The following KBTBD7 variants were observed in gnomAD, a reference collection of about 807,000 sequenced individuals.
The protein encoded by KBTBD7 is kelch repeat and BTB domain containing 7, also known as kelch repeat and BTB domain-containing protein 7.
KBTBD7 carries 25 observed loss-of-function variants against 50.3 expected under a neutral mutation model. That is an observed-to-expected ratio of 0.50 (90% CI 0.36 to 0.69). KBTBD7 has a LOEUF of 0.69. Among genes scored for constraint, KBTBD7 ranks in the 30% least tolerant of loss-of-function variants. The pLI is 0.00. For synonymous variants in KBTBD7, 305 were observed against 325.3 expected, an observed-to-expected ratio of 0.94 and a Z score of 0.67; for missense variants, 653 against 869.5, an observed-to-expected ratio of 0.75 and a Z score of 3.13.
chr13:41,190,758 T>C lies in KBTBD7; in HGVS notation c.*1445A>G, dbSNP rs1304580541. On this transcript the variant is annotated 3_prime_UTR_variant, in exon 1 of 1. Transcript: ENST00000379483. The stretch of plus-strand genomic sequence containing the variant: ...GCAATGTAGTCTATATTTGTGGACT[T>C]CCCCTTACATATGGTGACAGAGAGA... 6.6e-6 allele frequency: 1 copy of C among 152,152 alleles called. No homozygotes were observed. Among genetic ancestry groups the C allele is most frequent in the Non-Finnish European group, 1.5e-5 (1 of 67,984 alleles). The allele number at this position is 152,152 out of a possible 1,614,324, so 9.4% of individuals were successfully genotyped here.
Position 41,193,967 on chromosome 13 carries a change from C to T in KBTBD7, c.291G>A (p.Lys97=), listed in dbSNP as rs2031464064. The T allele has an allele frequency of 6.2e-7, 1 of 1,614,044 alleles. No individual in the cohort carries two copies. Among genetic ancestry groups the T allele is most frequent in the East Asian group, 2.2e-5 (1 of 44,872 alleles). ...NVLAAACPYF[K]SMFTGGMYES... is the part of the protein sequence containing the mutation. ...CGTACATGCCACCTGTGAACATGCTCTTGAAGTAGGGACACGCAGCTGCTA... is the reference window on the plus strand; with the variant it reads ...CGTACATGCCACCTGTGAACATGCTTTTGAAGTAGGGACACGCAGCTGCTA... Residue 97 remains lysine (K), a synonymous_variant, in exon 1 of 1, where the codon AAG becomes AAA. Transcript: ENST00000379483. This position sits in a 1 kb window ranked among gnomAD's most constrained non-coding sequence, Gnocchi z 5.7.
Position 41,193,374 on chromosome 13 carries a change from A to G in KBTBD7, c.884T>C (p.Ile295Thr), listed in dbSNP as rs1390155270. 6 of 1,612,816 alleles carry G rather than the reference A, an allele frequency of 3.7e-6. No homozygotes were observed. The highest frequency in any genetic ancestry group is 5.1e-6 in the Non-Finnish European group (6 of 1,178,928). ...PIVKKYCLDV[I>T]EGALQMRYGD... The stretch of plus-strand genomic sequence containing the variant: ...ATAGCGCATCTGCAGGGCCCCTTCA[A>G]TAACGTCCAGGCAGTACTTCTTCAC... The change falls in exon 1 of 1, where the codon ATT becomes ACT. Residue 295 changes from isoleucine (I) to threonine (T), a missense_variant. Transcript: ENST00000379483. The surrounding 1 kb of genome is among the most constrained non-coding windows in gnomAD (Gnocchi z 5.7).
rs2031477677 is a variant in KBTBD7, at chr13:41,194,289, A to C, written c.-32T>G. 6.2e-7 allele frequency: 1 copy of C among 1,603,798 alleles called. No homozygotes were observed. The highest frequency in any genetic ancestry group is 1.1e-5 in the South Asian group (1 of 90,214). On this transcript the variant is annotated 5_prime_UTR_variant, in exon 1 of 1. Coordinates refer to ENST00000379483, the MANE Select transcript of KBTBD7 (RefSeq NM_032138.7). ...GATGGCGACGGGCGCTGACGGCGAG[A>C]AAGGCTGCAGGACCAGGCTCTGGCT...
Position 41,194,066 on chromosome 13 carries a change from A to C in KBTBD7, c.192T>G (p.Asp64Glu). 1 of 1,614,208 alleles carries C rather than the reference A, an allele frequency of 6.2e-7. No individual in the cohort carries two copies. Among genetic ancestry groups the C allele is most frequent in the South Asian group, 1.1e-5 (1 of 91,080 alleles). Reference protein sequence around the residue: ...KSFYDARLLCDVTIEVVTPGS... With the variant: ...KSFYDARLLCEVTIEVVTPGS... Reference sequence around the variant, plus strand: ...CAGGCGTCACCACCTCGATGGTCACATCACACAGCAGCCGCGCGTCGTAGA... The same window carrying C: ...CAGGCGTCACCACCTCGATGGTCACCTCACACAGCAGCCGCGCGTCGTAGA... The change falls in exon 1 of 1, where the codon GAT becomes GAG. Residue 64 changes from aspartate to glutamate, a missense_variant. Coordinates refer to ENST00000379483, the MANE Select transcript of KBTBD7 (RefSeq NM_032138.7).
At position 41,192,146 on chromosome 13, in the gene KBTBD7, ATG is replaced by A; in HGVS notation, c.*55_*56del. The A allele has an allele frequency of 6.7e-7, 1 of 1,502,904 alleles. No individual in the cohort carries two copies. Among genetic ancestry groups the A allele is most frequent in the Non-Finnish European group, 8.9e-7 (1 of 1,117,712 alleles). 93.1% of individuals were successfully genotyped at this position (1,502,904 alleles called of 1,614,324 possible). On this transcript the variant is annotated 3_prime_UTR_variant, in exon 1 of 1. Transcript: ENST00000379483. Reference sequence around the variant, plus strand: ...TTTTTTTCCAAGAAAAAGAAACGATATGTGTTTAAAATACATTCCGTAGCAGT... The same window carrying A: ...TTTTTTTCCAAGAAAAAGAAACGATATGTTTAAAATACATTCCGTAGCAGT...
In KBTBD7 at chr13:41,194,566, T is replaced by G; in HGVS notation, c.-309A>C. On this transcript the variant is annotated 5_prime_UTR_variant, in exon 1 of 1. Coordinates refer to ENST00000379483, the MANE Select transcript of KBTBD7 (RefSeq NM_032138.7). Reference sequence around the variant, plus strand: ...GATCCCGCTAGGCGCCCGGGAGAACTACTGCTCCCAGGTTGCCTTTCGCGC... The same window carrying G: ...GATCCCGCTAGGCGCCCGGGAGAACGACTGCTCCCAGGTTGCCTTTCGCGC... 4.4e-6 allele frequency: 2 copies of G among 449,574 alleles called. No homozygotes were observed. Among genetic ancestry groups the G allele is most frequent in the Non-Finnish European group, 4.2e-6 (1 of 239,674 alleles). 27.8% of individuals were successfully genotyped at this position (449,574 alleles called of 1,614,324 possible).
Position 41,191,968 on chromosome 13 carries a change from A to G in KBTBD7, c.*235T>C. 2.4e-6 allele frequency: 1 copy of G among 418,850 alleles called. No individual in the cohort carries two copies. 25.9% of individuals were successfully genotyped at this position (418,850 alleles called of 1,614,324 possible). On this transcript the variant is annotated 3_prime_UTR_variant, in exon 1 of 1. Coordinates refer to ENST00000379483, the MANE Select transcript of KBTBD7 (RefSeq NM_032138.7). ...GAACAATGAAAAAAACCTACCAAGC[A>G]TCCTAATCAATTATATAGTTCTTGC... is the stretch of plus-strand genomic sequence containing the variant.
rs774208807 is a variant in KBTBD7 at position 41,192,274 on chromosome 13, A to G, written c.1984T>C (p.Phe662Leu). The G allele has an allele frequency of 1.2e-6, 2 of 1,614,192 alleles. No individual in the cohort carries two copies. Among genetic ancestry groups the G allele is most frequent in the South Asian group, 1.1e-5 (1 of 91,088 alleles). Reference sequence around the variant, plus strand: ...TGCACCCAGACTTCATCATCTGAAAAAGAACTTGAACTTCCTGACTCAGAG... The same window carrying G: ...TGCACCCAGACTTCATCATCTGAAAGAGAACTTGAACTTCCTGACTCAGAG... ...LDSESGSSSS[F>L]SDDEVWVQVA... Residue 662 changes from phenylalanine to leucine, a missense_variant, in exon 1 of 1, where the codon TTT (phenylalanine) becomes CTT (leucine). By Grantham distance (22) the Phe-to-Leu change is conservative (BLOSUM62 0). Transcript: ENST00000379483.
In KBTBD7 at chr13:41,190,439, T is replaced by C. The variant is rs972007739; in HGVS notation, c.*1764A>G. The stretch of plus-strand genomic sequence containing the variant: ...TGTTTGTTTTTTCATCCTTTCTCTT[T>C]CCTTTTCGTTCAAAAATTCAGTTCC... On this transcript the variant is annotated 3_prime_UTR_variant, in exon 1 of 1. Coordinates refer to ENST00000379483, the MANE Select transcript of KBTBD7 (RefSeq NM_032138.7). 15 of 152,196 alleles carry C rather than the reference T, an allele frequency of 9.9e-5. No homozygotes were observed. The highest frequency in any genetic ancestry group is 3.1e-4 in the African/African-American group (13 of 41,454). 9.4% of individuals were successfully genotyped at this position (152,196 alleles called of 1,614,324 possible).
rs376743675 is a variant in KBTBD7, at chr13:41,193,577, G to A, written c.681C>T (p.Arg227=). ...LTLAQLLAVL[R]LDSLDIESER... is the part of the protein sequence containing the mutation. Reference sequence around the variant, plus strand: ...CACTCTCTATGTCCAGACTATCCAGGCGTAGGACAGCCAGCAGCTGGGCCA... The same window carrying A: ...CACTCTCTATGTCCAGACTATCCAGACGTAGGACAGCCAGCAGCTGGGCCA... The change falls in exon 1 of 1, where the codon CGC becomes CGT. Residue 227 remains arginine (R), a synonymous_variant. Transcript: ENST00000379483. This position sits in a 1 kb window ranked among gnomAD's most constrained non-coding sequence, Gnocchi z 5.7. 24 of 1,614,090 alleles carry A rather than the reference G, an allele frequency of 1.5e-5. No homozygotes were observed. Among genetic ancestry groups the A allele is most frequent in the Non-Finnish European group, 1.9e-5 (23 of 1,180,058 alleles).
Position 41,194,127 on chromosome 13 carries a change from G to A in KBTBD7, c.131C>T (p.Ala44Val). The A allele has an allele frequency of 6.2e-7, 1 of 1,614,228 alleles. No individual in the cohort carries two copies. Among genetic ancestry groups the A allele is most frequent in the Non-Finnish European group, 8.5e-7 (1 of 1,180,044 alleles). ...FTGPEELKDTAHSAALLAQLK... is the reference protein window; with the variant it reads ...FTGPEELKDTVHSAALLAQLK... Reference sequence around the variant, plus strand: ...CTGTGCCAGCAGGGCTGCAGAATGGGCCGTGTCCTTTAACTCCTCTGGACC... The same window carrying A: ...CTGTGCCAGCAGGGCTGCAGAATGGACCGTGTCCTTTAACTCCTCTGGACC... Residue 44 changes from alanine (A) to valine (V), a missense_variant, in exon 1 of 1, where the codon GCC (alanine) becomes GTC (valine). Around this residue, in one of 3 missense-constraint regions of KBTBD7, gnomAD observed 119 missense variants for 125.0 expected, o/e 0.95. Coordinates refer to ENST00000379483, the MANE Select transcript of KBTBD7 (RefSeq NM_032138.7).
Position 41,192,034 on chromosome 13 carries a change from T to TA in KBTBD7, c.*168dup. The TA allele has an allele frequency of 1.8e-6, 1 of 568,392 alleles. No individual in the cohort carries two copies. Among genetic ancestry groups the TA allele is most frequent in the Non-Finnish European group, 3.1e-6 (1 of 327,134 alleles). 35.2% of individuals were successfully genotyped at this position (568,392 alleles called of 1,614,324 possible). A position where few individuals can be genotyped will look rare whatever the true frequency, so the allele number is the denominator to read the frequency against. On this transcript the variant is annotated 3_prime_UTR_variant, in exon 1 of 1. Coordinates refer to ENST00000379483, the MANE Select transcript of KBTBD7 (RefSeq NM_032138.7). ...CTGGACTTTCAGGATGGTAAATTAT[T>TA]AAACAGGTCGATTTCATGGACTGTC...
At position 41,191,089 on chromosome 13, in the gene KBTBD7, T is replaced by TA. The variant is rs907169013; in HGVS notation, c.*1113dup. On this transcript the variant is annotated 3_prime_UTR_variant, in exon 1 of 1. Coordinates refer to ENST00000379483, the MANE Select transcript of KBTBD7 (RefSeq NM_032138.7). The stretch of plus-strand genomic sequence containing the variant: ...GGCAGTTGATTTTTTTTATAGCTGA[T>TA]AGACACGATAACTACTGATCTGAGT... 2.0e-5 allele frequency: 3 copies of TA among 152,188 alleles called. No individual in the cohort carries two copies. Among genetic ancestry groups the TA allele is most frequent in the Non-Finnish European group, 4.4e-5 (3 of 68,006 alleles). 9.4% of individuals were successfully genotyped at this position (152,188 alleles called of 1,614,324 possible). A position where few individuals can be genotyped will look rare whatever the true frequency, so the allele number is the denominator to read the frequency against.
Position 41,193,268 on chromosome 13 carries a change from T to A in KBTBD7, c.990A>T (p.Ala330=). ...SSSSSNSLVS[A]AENPPQRLGM... ...CCAGTCTCTGGGGTGGATTTTCTGC[T>A]GCAGATACAAGAGAGTTGCTGCTGC... Residue 330 remains alanine (A), a synonymous_variant, in exon 1 of 1, where the codon GCA becomes GCT. Coordinates refer to ENST00000379483, the MANE Select transcript of KBTBD7 (RefSeq NM_032138.7). This position sits in a 1 kb window ranked among gnomAD's most constrained non-coding sequence, Gnocchi z 5.7. The A allele has an allele frequency of 6.2e-7, 1 of 1,613,146 alleles. No homozygotes were observed. Among genetic ancestry groups the A allele is most frequent in the Non-Finnish European group, 8.5e-7 (1 of 1,179,368 alleles).
In KBTBD7 at chr13:41,193,688, A is replaced by G. The variant is rs1204272478; in HGVS notation, c.570T>C (p.Ser190=). 3.7e-6 allele frequency: 6 copies of G among 1,614,080 alleles called. No homozygotes were observed. The highest frequency in any genetic ancestry group is 1.3e-5 in the African/African-American group (1 of 74,928). Residue 190 remains serine (S), a synonymous_variant, in exon 1 of 1, where the codon TCT becomes TCC. Coordinates refer to ENST00000379483, the MANE Select transcript of KBTBD7 (RefSeq NM_032138.7). The surrounding 1 kb of genome is among the most constrained non-coding windows in gnomAD (Gnocchi z 5.7). ...ADAFDHHKLR[S]QAQSYIAHNF... is the part of the protein sequence containing the mutation. ...TGTGAGCTATGTAGGACTGGGCCTGAGATCGAAGCTTGTGATGGTCGAAGG... is the reference window on the plus strand; with the variant it reads ...TGTGAGCTATGTAGGACTGGGCCTGGGATCGAAGCTTGTGATGGTCGAAGG...
chr13:41,193,382 C>T lies in KBTBD7; in HGVS notation c.876G>A (p.Leu292=), dbSNP rs1262451915. The change falls in exon 1 of 1, where the codon CTG becomes CTA. Residue 292 remains leucine (L), a synonymous_variant. Coordinates refer to ENST00000379483, the MANE Select transcript of KBTBD7 (RefSeq NM_032138.7). This position sits in a 1 kb window ranked among gnomAD's most constrained non-coding sequence, Gnocchi z 5.7. ...TCTGCAGGGCCCCTTCAATAACGTC[C>T]AGGCAGTACTTCTTCACGATGGGCT... The part of the protein sequence containing the change: ...LTKPIVKKYC[L]DVIEGALQMR... The T allele has an allele frequency of 4.3e-6, 7 of 1,613,352 alleles. No homozygotes were observed. In the East Asian group the frequency reaches 1.6e-4, roughly 36 times the overall value.
chr13:41,191,373 A>G lies in KBTBD7; in HGVS notation c.*830T>C, dbSNP rs935727675. On this transcript the variant is annotated 3_prime_UTR_variant, in exon 1 of 1. Transcript: ENST00000379483. ...TTGGGCATAAATTAAAAACACAAAC[A>G]TAAAAAGCAAGTTACCGTTTTTTTT... The G allele has an allele frequency of 6.8e-6, 1 of 148,138 alleles. No homozygotes were observed. Among genetic ancestry groups the G allele is most frequent in the Admixed American group, 7.2e-5 (1 of 13,884 alleles). 9.2% of individuals were successfully genotyped at this position (148,138 alleles called of 1,614,324 possible).
At position 41,194,557 on chromosome 13, in the gene KBTBD7, C is replaced by T. The variant is rs547136348; in HGVS notation, c.-300G>A. 19 of 472,070 alleles carry T rather than the reference C, an allele frequency of 4.0e-5. No individual in the cohort carries two copies. Among genetic ancestry groups the T allele is most frequent in the Admixed American group, 1.5e-4 (4 of 27,454 alleles). 29.2% of individuals were successfully genotyped at this position (472,070 alleles called of 1,614,324 possible). ...CGCGCTGGCGATCCCGCTAGGCGCC[C>T]GGGAGAACTACTGCTCCCAGGTTGC... is the stretch of plus-strand genomic sequence containing the variant. On this transcript the variant is annotated 5_prime_UTR_variant, in exon 1 of 1. Transcript: ENST00000379483.
rs771785270 is a variant in KBTBD7, at chr13:41,193,892, G to A, written c.366C>T (p.Phe122=). ...TGTAGCAGTAGTCGACCAACACCTC[G>A]AAGGACTCGGCGTCCACATCGTGCA... The part of the protein sequence containing the change: ...VTMHDVDAES[F]EVLVDYCYTG... The change falls in exon 1 of 1, where the codon TTC becomes TTT. Residue 122 remains phenylalanine (F), a synonymous_variant. Transcript: ENST00000379483. The surrounding 1 kb of genome is among the most constrained non-coding windows in gnomAD (Gnocchi z 5.7). 2.8e-5 allele frequency: 45 copies of A among 1,614,148 alleles called. No homozygotes were observed. Among genetic ancestry groups the A allele is most frequent in the Non-Finnish European group, 3.7e-5 (44 of 1,180,016 alleles).
Sources: gnomAD v4.1 joint callset for allele counts on GRCh38, gnomAD v4.1.1 for gene constraint, gnomAD v4.1.1 regional missense constraint, Gnocchi (gnomAD v3.1) non-coding constraint, MANE v1.5 for transcripts, NCBI Gene and HGNC (gene_info 2026-07-23, HGNC 2026-07-21) for gene names.